AUTS2: variants seen among roughly 807,000 people sequenced by gnomAD.
The protein encoded by AUTS2 is activator of transcription and developmental regulator AUTS2.
AUTS2 carries 17 observed loss-of-function variants against 112.4 expected under a neutral mutation model. The ratio of observed to expected loss-of-function variants is 0.15; its 90% confidence interval spans 0.10 to 0.23. AUTS2 has a LOEUF of 0.23. Among genes scored for constraint, AUTS2 ranks in the 10% least tolerant of loss-of-function variants. AUTS2 has a pLI of 1.00. For missense variants in AUTS2, 1,510 were observed against 1,701.6 expected (o/e 0.89, Z 1.98); for synonymous variants, 751 against 702.7 (o/e 1.07, Z -1.09).
In AUTS2 at chr7:69,848,739, T is replaced by A. The variant is rs73706246; in HGVS notation, c.310-50547T>A. 8.3e-3 allele frequency among the ~76,000 whole-genome samples: 1,258 copies of A among 152,330 alleles called. 24 individuals carry two copies. The highest frequency in any genetic ancestry group is 0.029 in the African/African-American group (1,188 of 41,576). On this transcript the variant is annotated intron_variant, in intron 1 of 18. Coordinates refer to ENST00000342771, the MANE Select transcript of AUTS2 (RefSeq NM_015570.4). ...TCCCATTTCCCGCTTTCTCCTTTTT[T>A]TCTTAAGACTGTCTAGGGAAGGAGC...
intron 6 of AUTS2, among the ~76,000 whole-genome samples, chr7:70,714,157 G>T (rs189838368): frequency 6.6e-6 from 1 of 152,268 alleles, no homozygotes; most frequent in Admixed American, 6.5e-5. Flanking sequence ...ACATGAAAGT[G>T]AATTCAATTT....
chr7:70,185,449 T>C (rs1034224293), intron 4 of AUTS2, among the ~76,000 whole-genome samples: 2 of 152,008 alleles, frequency 1.3e-5, no homozygotes, highest in African/African-American at 4.8e-5. Context: ...AAGAATGGGA[T>C]AAATGCCTCT....
chr7:69,973,145 A>G lies in AUTS2; in HGVS notation c.522+73647A>G, dbSNP rs73168780. 5.9e-3 allele frequency among the ~76,000 whole-genome samples: 895 copies of G among 152,250 alleles called. 12 individuals are homozygous for G. Among genetic ancestry groups the G allele is most frequent in the Non-Finnish European group, 6.5e-3 (444 of 68,018 alleles). On this transcript the variant is annotated intron_variant, in intron 2 of 18. Transcript: ENST00000342771. ...TTTATCATTTTGTAGTTTTCAGCATACAAGTCCTATATGAATTAGATTTAT... is the reference window on the plus strand; with the variant it reads ...TTTATCATTTTGTAGTTTTCAGCATGCAAGTCCTATATGAATTAGATTTAT...
chr7:70,528,108 T>A (rs868777773), intron 5 of AUTS2, among the ~76,000 whole-genome samples: 26 of 147,464 alleles, frequency 1.8e-4, no homozygotes, highest in African/African-American at 6.4e-4. Context: ...TTTTTTTTTT[T>A]TTTTTTTTTT....
intron 2 of AUTS2, among the ~76,000 whole-genome samples, chr7:70,055,553 T>G (rs1383573089): frequency 6.6e-6 from 1 of 152,258 alleles, no homozygotes; most frequent in East Asian, 1.9e-4. Flanking sequence ...GAGAATGCTC[T>G]AAGTCATATG....
chr7:70,690,788 C>A (rs1416668831), intron 5 of AUTS2, among the ~76,000 whole-genome samples: 2 of 152,052 alleles, frequency 1.3e-5, no homozygotes, highest in African/African-American at 4.8e-5. Flanking sequence ...TATAGGAAGA[C>A]CTTGTCTGTA....
intron 4 of AUTS2, among the ~76,000 whole-genome samples, chr7:70,395,014 A>C (rs1183014533): frequency 6.6e-6 from 1 of 152,154 alleles, no homozygotes; most frequent in African/African-American, 2.4e-5. Flanking sequence ...AATCATTCTC[A>C]TTACCCTATA....
intron 4 of AUTS2, among the ~76,000 whole-genome samples, chr7:70,177,346 T>G (rs1417394892): frequency 1.3e-5 from 2 of 151,888 alleles, no homozygotes; most frequent in Non-Finnish European, 2.9e-5. Context: ...AGTCGCCATA[T>G]AGCTAGTAGC....
intron 4 of AUTS2, among the ~76,000 whole-genome samples, chr7:70,310,850 C>G (rs191924334): frequency 1.4e-3 from 208 of 152,258 alleles, no homozygotes; most frequent in African/African-American, 4.9e-3. Context: ...GAATACTTGT[C>G]ATGCCAAAAT....
chr7:70,365,462 A>G (rs1792526911), intron 4 of AUTS2, among the ~76,000 whole-genome samples: 1 of 152,228 alleles, frequency 6.6e-6, no homozygotes, highest in African/African-American at 2.4e-5. Context: ...AAAGAATATT[A>G]TATTCCAATG....
intron 2 of AUTS2, among the ~76,000 whole-genome samples, chr7:69,962,793 G>T (rs557540988): frequency 2.0e-5 from 3 of 152,108 alleles, no homozygotes; most frequent in South Asian, 2.1e-4. Context: ...GGCTGAAAAA[G>T]AGAGAGAAAG....
intron 1 of AUTS2, among the ~76,000 whole-genome samples, chr7:69,834,200 T>C (rs988607391): frequency 6.6e-6 from 1 of 152,184 alleles, no homozygotes; most frequent in Non-Finnish European, 1.5e-5. Flanking sequence ...GGTCGTTTTC[T>C]GTGGGCTTAG....
At chr7:70,084,130 G>A (rs184443957) in intron 2 of AUTS2, among the ~76,000 whole-genome samples, 1 of 152,076 alleles carries the variant, frequency 6.6e-6, no homozygotes, top group African/African-American at 2.4e-5. Context: ...CTATAAAGTT[G>A]TATACATTTT....
chr7:70,170,832 T>C (rs1001409787), intron 4 of AUTS2, among the ~76,000 whole-genome samples: 5 of 152,154 alleles, frequency 3.3e-5, no homozygotes, highest in Non-Finnish European at 7.4e-5. Context: ...GGTCTTGAAC[T>C]CCTGACCTCG....
intron 6 of AUTS2, among the ~76,000 whole-genome samples, chr7:70,715,945 T>C (rs1418448129): frequency 6.6e-6 from 1 of 152,242 alleles, no homozygotes; most frequent in Non-Finnish European, 1.5e-5. Flanking sequence ...TGAATTAAAA[T>C]ATAATATCCT....
In AUTS2 at chr7:70,790,654, A is replaced by G. The variant is rs775551393; in HGVS notation, c.3438A>G (p.Gly1146=). The G allele has an allele frequency of 6.2e-7, 1 of 1,612,942 alleles. No individual in the cohort carries two copies. Among genetic ancestry groups the G allele is most frequent in the East Asian group, 2.2e-5 (1 of 44,784 alleles). ...ACCCTCGGCGGGAGCACGAGCGGGG[A>G]GGCCACCTGGACGAGCGGGAGCGCT... is the stretch of plus-strand genomic sequence containing the variant. The part of the protein sequence containing the change: ...SVDPRREHER[G]GHLDERERLH... The change falls in exon 19 of 19, where the codon GGA becomes GGG. Residue 1146 remains glycine (G), a synonymous_variant. Transcript: ENST00000342771. The surrounding 1 kb of genome is among the most constrained non-coding windows in gnomAD (Gnocchi z 7.6).
chr7:70,414,628 A>C (rs1794915853), intron 4 of AUTS2, among the ~76,000 whole-genome samples: 2 of 152,096 alleles, frequency 1.3e-5, no homozygotes, highest in Admixed American at 6.6e-5. Flanking sequence ...GAGAAAGAGG[A>C]TTCTGCTCAC....
At position 70,730,010 on chromosome 7, in the gene AUTS2, G is replaced by A. The variant is rs193065003; in HGVS notation, c.742+31390G>A. Among the ~76,000 whole-genome samples the A allele has an allele frequency of 1.9e-3, 294 of 152,276 alleles. 13 individuals are homozygous for A. In the South Asian group the frequency reaches 0.054, roughly 28 times the overall value. Reference sequence around the variant, plus strand: ...TGATTCTCTTGCCTCAGCCTACTGCGTAGCTGGGATTACAGGCACACGCCA... The same window carrying A: ...TGATTCTCTTGCCTCAGCCTACTGCATAGCTGGGATTACAGGCACACGCCA... On this transcript the variant is annotated intron_variant, in intron 6 of 18. Coordinates refer to ENST00000342771, the MANE Select transcript of AUTS2 (RefSeq NM_015570.4).
intron 5 of AUTS2, among the ~76,000 whole-genome samples, chr7:70,494,280 T>G (rs1798361669): frequency 6.6e-6 from 1 of 152,086 alleles, no homozygotes; most frequent in Admixed American, 6.6e-5. Flanking sequence ...AGTCTAGGCT[T>G]GGGTATTTTT....
Sources: gnomAD v4.1 joint callset for allele counts (sites outside exome capture counted in the v4.1 genomes callset) on GRCh38, gnomAD v4.1.1 for gene constraint, Gnocchi (gnomAD v3.1) non-coding constraint, MANE v1.5 for transcripts, NCBI Gene and HGNC (gene_info 2026-07-23, HGNC 2026-07-21) for gene names.